The following CASD1 variants were observed in gnomAD, a reference collection of about 807,000 sequenced individuals.
CASD1 encodes N-acetylneuraminate (7)9-O-acetyltransferase.
CASD1 carries 41 observed loss-of-function variants against 100.0 expected under a neutral mutation model. The ratio of observed to expected loss-of-function variants is 0.41; its 90% CI spans 0.32 to 0.53. CASD1 has a LOEUF of 0.53. Ranked by LOEUF, CASD1 falls within the 20% of genes least tolerant of loss-of-function variation. CASD1 has a pLI of 0.25. For missense variants in CASD1, 774 were observed against 948.7 expected (o/e 0.82, Z 2.42); for synonymous variants, 321 against 315.6 (o/e 1.02, Z -0.18).
intron 7 of CASD1, among the ~76,000 whole-genome samples, chr7:94,535,068 A>C (rs1447025494): frequency 6.6e-6 from 1 of 152,216 alleles, no homozygotes; most frequent in African/African-American, 2.4e-5. Flanking sequence ...GTGTACATAA[A>C]GATGGGACAA....
chr7:94,551,721 A>G (rs1403599872), intron 15 of CASD1: 1 of 184,972 alleles, frequency 5.4e-6, no homozygotes, highest in Non-Finnish European at 1.1e-5. Context: ...TAGGTAAGCA[A>G]TAACAGCAGA....
the CASD1 span, among the ~76,000 whole-genome samples, chr7:94,567,019 C>T: frequency 6.6e-6 from 1 of 152,092 alleles, no homozygotes; most frequent in East Asian, 1.9e-4. Context: ...ATCATCCAAA[C>T]AGAATGGCTA....
In CASD1 at chr7:94,547,041, A is replaced by G; in HGVS notation, c.1634-55A>G. 9 of 1,097,562 alleles carry G rather than the reference A, an allele frequency of 8.2e-6. No individual in the cohort carries two copies. In the South Asian group the frequency reaches 1.3e-4, roughly 16 times the overall value. 68.0% of individuals were successfully genotyped at this position (1,097,562 alleles called of 1,614,324 possible). A position where few individuals can be genotyped will look rare whatever the true frequency, so the allele number is the denominator to read the frequency against. ...ACATATATCAAATAGAGAGTATTTAATATGTTGTCTAATATAAATTTATTT... is the reference window on the plus strand; with the variant it reads ...ACATATATCAAATAGAGAGTATTTAGTATGTTGTCTAATATAAATTTATTT... On this transcript the variant is annotated intron_variant, in intron 12 of 17. Transcript: ENST00000297273.
intron 3 of CASD1, among the ~76,000 whole-genome samples, chr7:94,520,646 G>A (rs1794213023): frequency 2.0e-5 from 3 of 152,170 alleles, no homozygotes. Context: ...CAAACCAACT[G>A]GAGCCTAGGT....
chr7:94,570,331 T>G, the CASD1 span, among the ~76,000 whole-genome samples: 7 of 152,310 alleles, frequency 4.6e-5, no homozygotes, highest in Admixed American at 3.3e-4. Flanking sequence ...TTCTTTGTTA[T>G]TACTATGGTA....
the CASD1 span, chr7:94,587,989 T>G: frequency 7.1e-7 from 1 of 1,410,214 alleles, no homozygotes; most frequent in African/African-American, 1.5e-5. Flanking sequence ...CTCTTGCTTT[T>G]CCAAAAGAGC....
chr7:94,599,072 CATT>C, the CASD1 span: 1 of 761,540 alleles, frequency 1.3e-6, no homozygotes, highest in Non-Finnish European at 2.1e-6. Context: ...AATAATAAGA[CATT>C]ATGGCACTTT....
chr7:94,579,677 G>A, the CASD1 span, among the ~76,000 whole-genome samples: 1 of 152,132 alleles, frequency 6.6e-6, no homozygotes, highest in Non-Finnish European at 1.5e-5. Context: ...TTTAGCTGCT[G>A]CATGAATGTT....
At position 94,555,798 on chromosome 7, in the gene CASD1, C is replaced by A. The variant is rs990929475; in HGVS notation, c.*40C>A. The A allele has an allele frequency of 1.3e-6, 2 of 1,564,848 alleles. No individual in the cohort carries two copies. The highest frequency in any genetic ancestry group is 1.2e-5 in the South Asian group (1 of 84,760). On this transcript the variant is annotated 3_prime_UTR_variant, in exon 18 of 18. Transcript: ENST00000297273. ...AAAAAACCTAAACTCTTCAGGCTAC[C>A]TTTGTGTGTCTCTAGAAGAGAAAAG...
At chr7:94,631,903 A>C in the CASD1 span, among the ~76,000 whole-genome samples, 1 of 152,044 alleles carries the variant, frequency 6.6e-6, no homozygotes, top group African/African-American at 2.4e-5. Context: ...TTCTTTCTAG[A>C]GATTAAAAAT....
At chr7:94,513,806 T>C (rs1009611781) in intron 1 of CASD1, among the ~76,000 whole-genome samples, 4 of 152,242 alleles carry the variant, frequency 2.6e-5, no homozygotes, top group African/African-American at 9.6e-5. Flanking sequence ...TCCTTTTATG[T>C]TCTTTTGTGG....
At chr7:94,606,009 G>A in the CASD1 span, among the ~76,000 whole-genome samples, 2 of 151,626 alleles carry the variant, frequency 1.3e-5, no homozygotes, top group Admixed American at 6.6e-5. Context: ...TTGTATTTTC[G>A]GTAGAGATGG....
At chr7:94,575,520 T>C in the CASD1 span, among the ~76,000 whole-genome samples, 1 of 152,060 alleles carries the variant, frequency 6.6e-6, no homozygotes, top group African/African-American at 2.4e-5. Flanking sequence ...GCATACTCTG[T>C]TTTTTTGGGT....
chr7:94,598,795 C>T, the CASD1 span: 1 of 1,612,310 alleles, frequency 6.2e-7, no homozygotes, highest in Non-Finnish European at 8.5e-7. Flanking sequence ...GCATCAATGG[C>T]ATGTTTGTGC....
chr7:94,571,830 A>G, the CASD1 span, among the ~76,000 whole-genome samples: 2 of 151,878 alleles, frequency 1.3e-5, no homozygotes, highest in East Asian at 1.9e-4. Flanking sequence ...GCACAAAAAG[A>G]TGGTCAAGTG....
intron 17 of CASD1, among the ~76,000 whole-genome samples, chr7:94,555,189 T>G (rs1187787599): frequency 6.6e-6 from 1 of 151,890 alleles, no homozygotes; most frequent in Non-Finnish European, 1.5e-5. Flanking sequence ...TATTTTAGAG[T>G]TTTTAGAGTA....
chr7:94,528,628 T>C (rs1312674853), intron 5 of CASD1, among the ~76,000 whole-genome samples: 1 of 152,192 alleles, frequency 6.6e-6, no homozygotes, highest in African/African-American at 2.4e-5. Flanking sequence ...TTCAGGAAAC[T>C]TTTGTTTATT....
chr7:94,581,232 C>G, the CASD1 span, among the ~76,000 whole-genome samples: 1 of 152,152 alleles, frequency 6.6e-6, no homozygotes, highest in African/African-American at 2.4e-5. Flanking sequence ...AAGTCTCTTC[C>G]CAGGAAAGTG....
intron 11 of CASD1, among the ~76,000 whole-genome samples, chr7:94,545,000 G>C (rs1241924809): frequency 1.3e-5 from 2 of 152,036 alleles, no homozygotes; most frequent in East Asian, 3.9e-4. Flanking sequence ...AGGTCACATA[G>C]TAAGTGGTAC....
Sources: allele counts gnomAD v4.1 joint callset (sites outside exome capture counted in the v4.1 genomes callset), GRCh38; gene constraint gnomAD v4.1.1; transcripts MANE v1.5; gene names NCBI Gene and HGNC (gene_info 2026-07-23, HGNC 2026-07-21).